The following MSI2 variants were observed in gnomAD, a reference collection of about 807,000 sequenced individuals.
MSI2 encodes the protein musashi RNA binding protein 2.
A neutral mutation model predicts 45.6 loss-of-function variants in MSI2; 17 were observed. The observed-to-expected ratio is 0.37, with a 90% CI of 0.26 to 0.56. The LOEUF (loss-of-function observed/expected upper bound fraction) is 0.56, where lower values mean the gene tolerates loss of function less well. Ranked by LOEUF, MSI2 falls within the 20% of genes least tolerant of loss-of-function variation. The pLI is 0.77. For missense variants in MSI2, 293 were observed against 444.2 expected (o/e 0.66, Z 3.06); for synonymous variants, 156 against 158.2 (o/e 0.99, Z 0.11).
Position 57,627,390 on chromosome 17 carries a change from A to G in MSI2, c.727+87A>G. The G allele has an allele frequency of 9.0e-7, 1 of 1,117,018 alleles. No individual in the cohort carries two copies. 69.2% of individuals were successfully genotyped at this position (1,117,018 alleles called of 1,614,324 possible). A position where few individuals can be genotyped will look rare whatever the true frequency, so the allele number is the denominator to read the frequency against. On this transcript the variant is annotated intron_variant, in intron 10 of 13. Coordinates refer to ENST00000284073, the MANE Select transcript of MSI2 (RefSeq NM_138962.4). This position sits in a 1 kb window ranked among gnomAD's most constrained non-coding sequence, Gnocchi z 4.6. ...GTGAGAGGACCCCTAAAGAGAATGC[A>G]TTTCTTACATGCATCCACTTGAAAA...
chr17:57,656,979 C>A (rs146010202), intron 11 of MSI2, among the ~76,000 whole-genome samples: 1 of 152,276 alleles, frequency 6.6e-6, no homozygotes, highest in Non-Finnish European at 1.5e-5. Flanking sequence ...CCTCCTGGAA[C>A]CTGCTCTTTA....
intron 6 of MSI2, among the ~76,000 whole-genome samples, chr17:57,512,766 T>C (rs1450641932): frequency 6.6e-6 from 1 of 152,138 alleles, no homozygotes; most frequent in East Asian, 1.9e-4. Context: ...TCATCCTGGG[T>C]ACTCCTTGCT....
chr17:57,392,511 G>C (rs763451167), intron 5 of MSI2, among the ~76,000 whole-genome samples: 18 of 152,144 alleles, frequency 1.2e-4, no homozygotes, highest in African/African-American at 3.1e-4. Flanking sequence ...CCATATAGGC[G>C]AGGGCTATTT....
intron 5 of MSI2, among the ~76,000 whole-genome samples, chr17:57,328,576 A>G (rs1396883231): frequency 6.6e-6 from 1 of 152,224 alleles, no homozygotes; most frequent in Non-Finnish European, 1.5e-5. Context: ...CTCCCAGTGC[A>G]GTTTTTGCCG....
rs117147393 is a variant in MSI2, at chr17:57,424,884, C to A, written c.405+23413C>A. Among the ~76,000 whole-genome samples the A allele has an allele frequency of 6.4e-3, 980 of 152,226 alleles. 7 individuals are homozygous for A. Among genetic ancestry groups the A allele is most frequent in the Middle Eastern group, 0.02 (6 of 294 alleles). On this transcript the variant is annotated intron_variant, in intron 6 of 13. Transcript: ENST00000284073. The stretch of plus-strand genomic sequence containing the variant: ...AGAGGGAGGAGCTTAGCCCAGCAGA[C>A]CCTCCTGGGATTTGTTGGAGGCTGT...
At chr17:57,274,633 A>G (rs185224510) in intron 5 of MSI2, 1 of 152,182 alleles carries the variant, frequency 6.6e-6, no homozygotes, top group Non-Finnish European at 1.5e-5. Flanking sequence ...ATTTTTCCTT[A>G]AGTAATGTTT....
At chr17:57,473,038 G>A (rs968659014) in intron 6 of MSI2, among the ~76,000 whole-genome samples, 27 of 58,264 alleles carry the variant, frequency 4.6e-4, no homozygotes, top group Admixed American at 1.9e-3. Context: ...GATTACAGGC[G>A]CCTGACACCA....
intron 6 of MSI2, among the ~76,000 whole-genome samples, chr17:57,489,576 C>T (rs1179180693): frequency 6.6e-6 from 1 of 152,244 alleles, no homozygotes; most frequent in Non-Finnish European, 1.5e-5. Context: ...TGGTACAGCC[C>T]AGCAGCTTTC....
intron 5 of MSI2, among the ~76,000 whole-genome samples, chr17:57,311,973 C>T (rs1353322015): frequency 2.6e-5 from 4 of 152,196 alleles, no homozygotes; most frequent in African/African-American, 4.8e-5. Flanking sequence ...GCTGGAATTA[C>T]GGGCGTGAGC....
intron 10 of MSI2, among the ~76,000 whole-genome samples, chr17:57,635,342 A>G (rs558579090): frequency 6.6e-6 from 1 of 152,372 alleles, no homozygotes; most frequent in African/African-American, 2.4e-5. Context: ...AGGGGTTTGG[A>G]GAAGTGGGAG....
chr17:57,578,897 A>G (rs1598418166), intron 7 of MSI2, among the ~76,000 whole-genome samples: 4 of 152,204 alleles, frequency 2.6e-5, no homozygotes, highest in Admixed American at 2.6e-4. Flanking sequence ...CAGCCCAGGT[A>G]CATTTTTCCC....
intron 5 of MSI2, among the ~76,000 whole-genome samples, chr17:57,358,585 G>A (rs962040916): frequency 5.3e-5 from 8 of 152,128 alleles, no homozygotes; most frequent in African/African-American, 1.7e-4. Flanking sequence ...AGTCATTAGC[G>A]TTTGGAGGGG....
chr17:57,655,517 C>T (rs1271694756), intron 11 of MSI2, among the ~76,000 whole-genome samples: 5 of 152,004 alleles, frequency 3.3e-5, no homozygotes, highest in African/African-American at 1.2e-4. Flanking sequence ...CCACCCGGCC[C>T]CAGCCAGGAC....
chr17:57,639,343 G>A (rs902949351), intron 10 of MSI2, among the ~76,000 whole-genome samples: 6 of 152,214 alleles, frequency 3.9e-5, no homozygotes, highest in African/African-American at 1.4e-4. Context: ...TCCCTCCCTC[G>A]CATTCCTACC....
intron 6 of MSI2, among the ~76,000 whole-genome samples, chr17:57,516,240 T>C (rs1186261829): frequency 2.6e-5 from 4 of 152,190 alleles, no homozygotes; most frequent in African/African-American, 9.7e-5. Flanking sequence ...CACTGATCTG[T>C]TCCTCATCAC....
intron 7 of MSI2, among the ~76,000 whole-genome samples, chr17:57,560,097 G>A (rs796184918): frequency 2.0e-5 from 3 of 152,348 alleles, no homozygotes; most frequent in African/African-American, 7.2e-5. Flanking sequence ...GGCTGGGATG[G>A]GGCAATGGAG....
intron 10 of MSI2, among the ~76,000 whole-genome samples, chr17:57,648,821 G>T (rs1337301562): frequency 6.6e-6 from 1 of 152,176 alleles, no homozygotes; most frequent in African/African-American, 2.4e-5. Context: ...CCCAGCCCCT[G>T]CTTTCCCAAG....
At chr17:57,398,352 T>C (rs553172023) in intron 5 of MSI2, among the ~76,000 whole-genome samples, 1 of 152,270 alleles carries the variant, frequency 6.6e-6, no homozygotes, top group East Asian at 1.9e-4. Flanking sequence ...ACTCTACTAG[T>C]GTATGTTGGT....
At chr17:57,548,650 C>CA in intron 7 of MSI2, among the ~76,000 whole-genome samples, 1 of 151,154 alleles carries the variant, frequency 6.6e-6, no homozygotes, top group Admixed American at 6.6e-5. Flanking sequence ...GAGCTGTAAA[C>CA]ACTAGGGCTG....
Sources: allele counts gnomAD v4.1 joint callset (sites outside exome capture counted in the v4.1 genomes callset), GRCh38; gene constraint gnomAD v4.1.1; non-coding constraint Gnocchi (gnomAD v3.1); transcripts MANE v1.5; gene names NCBI Gene and HGNC (gene_info 2026-07-23, HGNC 2026-07-21).